Variants in CCDC158 observed in about 807,000 individuals in gnomAD.
CCDC158 encodes the protein coiled-coil domain-containing protein 158.
Under a neutral mutation model 138.6 loss-of-function variants are expected in CCDC158, and 116 were observed. The observed-to-expected ratio is 0.84, with a 90% CI of 0.72 to 0.98. CCDC158 has a LOEUF of 0.98. Ranked by LOEUF, CCDC158 falls within the 50% of genes least tolerant of loss-of-function variation. The pLI is 0.00. For synonymous variants in CCDC158, 436 were observed against 442.4 expected (o/e 0.99, Z 0.18); for missense variants, 1,265 against 1,306.1 (o/e 0.97, Z 0.48).
intron 21 of CCDC158, 40 bp from the exon 22 acceptor site, chr4:76,329,007 C>G: frequency 6.8e-7 from 1 of 1,475,332 alleles, no homozygotes; most frequent in Non-Finnish European, 9.5e-7. Flanking sequence ...TTCCATTTCA[C>G]AAACACAGTA....
Position 76,409,864 on chromosome 4 carries a change from ATATCTGTG to A in CCDC158, c.-74+2218_-74+2225del, listed in dbSNP as rs1452686494. Among the ~76,000 whole-genome samples, 5 of 151,876 alleles carry A rather than the reference ATATCTGTG, an allele frequency of 3.3e-5. No homozygotes were observed. In the East Asian group the frequency reaches 7.8e-4, roughly 24 times the overall value. The stretch of plus-strand genomic sequence containing the variant: ...TAAATAAAAATAAAAATAAAAAGTA[ATATCTGTG>A]TATCTATTCTACTCTAGTTATTTGA... On this transcript the variant is annotated intron_variant, in intron 2 of 24. Coordinates refer to ENST00000682701, the MANE Select transcript of CCDC158 (RefSeq NM_001394954.1).
intron 22 of CCDC158, among the ~76,000 whole-genome samples, chr4:76,326,917 A>C (rs1286380309): frequency 6.6e-6 from 1 of 152,292 alleles, no homozygotes; most frequent in South Asian, 2.1e-4. Flanking sequence ...CCAGAAAGTT[A>C]AGTGTAAATA....
chr4:76,401,303 C>G, intron 3 of CCDC158: 2 of 495,026 alleles, frequency 4.0e-6, no homozygotes, highest in East Asian at 1.2e-4. Flanking sequence ...GTGTGGCAAG[C>G]ACCAACTCCA....
chr4:76,351,754 A>G lies in CCDC158; in HGVS notation c.2504T>C (p.Val835Ala), dbSNP rs771814803. ...DIIQRQEQES[V>A]RLKLQHTLDI... ...CAAAGTGTGTTGAAGTTTTAAGCGCACTGATTCTTGCTCCTGACGCTGTAT... is the reference window on the plus strand; with the variant it reads ...CAAAGTGTGTTGAAGTTTTAAGCGCGCTGATTCTTGCTCCTGACGCTGTAT... Residue 835 changes from valine (V) to alanine (A), a missense_variant, in exon 17 of 25, where the codon GTG becomes GCG. By Grantham distance (64) the Val-to-Ala change is moderately conservative. Transcript: ENST00000682701. 2 of 1,613,296 alleles carry G rather than the reference A, an allele frequency of 1.2e-6. No individual in the cohort carries two copies. The highest frequency in any genetic ancestry group is 1.7e-6 in the Non-Finnish European group (2 of 1,179,468).
chr4:76,331,525 C>A, intron 20 of CCDC158, 122 bp from the exon 21 acceptor site: 3 of 748,262 alleles, frequency 4.0e-6, no homozygotes, highest in South Asian at 1.7e-5. Flanking sequence ...CATCTGACAG[C>A]TGGATAAATA....
At chr4:76,353,474 A>G (rs1234556457) in intron 15 of CCDC158, among the ~76,000 whole-genome samples, 193 bp from the exon 16 acceptor site, 1 of 152,140 alleles carries the variant, frequency 6.6e-6, no homozygotes, top group Non-Finnish European at 1.5e-5. Flanking sequence ...TATTTTAATC[A>G]TTGCTGGTAT....
At chr4:76,334,569 G>C (rs1721295890) in intron 18 of CCDC158, among the ~76,000 whole-genome samples, 1 of 152,094 alleles carries the variant, frequency 6.6e-6, no homozygotes, top group African/African-American at 2.4e-5. Context: ...GAGAATTAAG[G>C]AGCTATTTAG....
chr4:76,364,601 T>C (rs62300859), intron 12 of CCDC158, among the ~76,000 whole-genome samples: 2 of 152,144 alleles, frequency 1.3e-5, no homozygotes, highest in East Asian at 1.9e-4. Flanking sequence ...ATTTCTTTTA[T>C]GTGTCTACTA....
At chr4:76,375,953 G>A (rs974644627) in intron 9 of CCDC158, among the ~76,000 whole-genome samples, 1 of 152,098 alleles carries the variant, frequency 6.6e-6, no homozygotes, top group African/African-American at 2.4e-5. Flanking sequence ...TTTTTAAAAT[G>A]AAGAAATCTG....
At chr4:76,366,826 C>T (rs1046747891) in intron 12 of CCDC158, among the ~76,000 whole-genome samples, 1 of 151,842 alleles carries the variant, frequency 6.6e-6, no homozygotes, top group Admixed American at 6.6e-5. Flanking sequence ...AGGCTCATTC[C>T]TTGATATATA....
intron 4 of CCDC158, among the ~76,000 whole-genome samples, chr4:76,388,311 G>C (rs763885163): frequency 2.6e-5 from 4 of 152,166 alleles, no homozygotes; most frequent in Non-Finnish European, 5.9e-5. Context: ...ATTGGGACCT[G>C]GGCAGGGCAG....
chr4:76,384,446 A>G (rs1726593718), intron 5 of CCDC158, 31 bp from the exon 6 acceptor site: 2 of 1,585,346 alleles, frequency 1.3e-6, no homozygotes. Context: ...AATAAATAAC[A>G]TTGATAAAAC....
intron 9 of CCDC158, among the ~76,000 whole-genome samples, chr4:76,376,125 C>T (rs1725695965): frequency 1.3e-5 from 2 of 151,830 alleles, no homozygotes; most frequent in African/African-American, 2.4e-5. Context: ...GTGATCATGG[C>T]TCATTGCAGC....
intron 2 of CCDC158, among the ~76,000 whole-genome samples, chr4:76,405,946 C>G (rs964832949): frequency 6.6e-6 from 1 of 151,920 alleles, no homozygotes; most frequent in Admixed American, 6.6e-5. Context: ...TAATTACACC[C>G]ACAAGATAAT....
chr4:76,349,530 G>A (rs1005173110), intron 18 of CCDC158, among the ~76,000 whole-genome samples: 3 of 152,228 alleles, frequency 2.0e-5, no homozygotes, highest in Admixed American at 6.5e-5. Flanking sequence ...TTAGCCAGGC[G>A]TGGTGGCACG....
chr4:76,375,518 T>G, intron 9 of CCDC158: 1 of 701,110 alleles, frequency 1.4e-6, no homozygotes, highest in East Asian at 2.7e-5. Flanking sequence ...TGCTACTAAA[T>G]CATCACTTTT....
At chr4:76,417,598 TG>T (rs1729797635) in intron 1 of CCDC158, among the ~76,000 whole-genome samples, 1 of 132,272 alleles carries the variant, frequency 7.6e-6, no homozygotes, top group Admixed American at 7.6e-5. Flanking sequence ...ATGTAAGAAG[TG>T]CCTTTTGCCT....
chr4:76,315,489 C>T (rs539256511), intron 24 of CCDC158, among the ~76,000 whole-genome samples: 1 of 152,314 alleles, frequency 6.6e-6, no homozygotes, highest in South Asian at 2.1e-4. Flanking sequence ...CACCCCTTGG[C>T]TGGAGGCCAA....
At chr4:76,410,010 G>A (rs58292399) in intron 2 of CCDC158, among the ~76,000 whole-genome samples, 40,025 of 151,752 alleles carry the variant, frequency 0.26, 6,412 homozygotes, top group East Asian at 0.7. Flanking sequence ...GAGATAAAGC[G>A]TTTAAAAGTA....
Sources: gnomAD v4.1 joint callset for allele counts (sites outside exome capture counted in the v4.1 genomes callset) on GRCh38, gnomAD v4.1.1 for gene constraint, MANE v1.5 for transcripts, NCBI Gene and HGNC (gene_info 2026-07-23, HGNC 2026-07-21) for gene names.